OPCML: variants seen among roughly 807,000 people sequenced by gnomAD.
OPCML encodes opioid binding protein/cell adhesion molecule like.
Under a neutral mutation model 37.8 loss-of-function variants are expected in OPCML, and 13 were observed. The ratio of observed to expected loss-of-function variants is 0.34; its 90% CI spans 0.22 to 0.55. The LOEUF (loss-of-function observed/expected upper bound fraction) is 0.55. OPCML is among the 20% of genes least tolerant of loss of function. The probability of loss-of-function intolerance (pLI) is 0.91; values close to 1 mark genes in which losing one functional copy is unlikely to be tolerated. For missense variants in OPCML, 341 were observed against 435.6 expected, an observed-to-expected ratio of 0.78 and a Z score of 1.93; for synonymous variants, 176 against 168.8, an observed-to-expected ratio of 1.04 and a Z score of -0.33.
chr11:133,085,188 T>C (rs1338375493), intron 1 of OPCML, among the ~76,000 whole-genome samples: 1 of 152,228 alleles, frequency 6.6e-6, no homozygotes, highest in African/African-American at 2.4e-5. Context: ...ACCCAGTGCA[T>C]TTCATGAGTA....
At chr11:133,065,809 C>T (rs922834902) in intron 1 of OPCML, 4 of 152,432 alleles carry the variant, frequency 2.6e-5, no homozygotes, top group Admixed American at 6.5e-5. Context: ...CGCAAGCACC[C>T]GAGGCTCCTG....
In OPCML at chr11:132,633,249, C is replaced by T. The variant is rs148144645; in HGVS notation, c.379+23838G>A. ...ACAGAGTCTCGCTCTGTCGCCCAAG[C>T]TGGAGTTCAGTGGTGTGATCTCGGC... is the stretch of plus-strand genomic sequence containing the variant. On this transcript the variant is annotated intron_variant, in intron 3 of 7. Transcript: ENST00000524381. Among the ~76,000 whole-genome samples, 1,140 of 152,228 alleles carry T rather than the reference C, an allele frequency of 7.5e-3. 7 individuals carry two copies. The highest frequency in any genetic ancestry group is 0.026 in the African/African-American group (1,084 of 41,544).
At chr11:132,479,814 C>G (rs911240273) in intron 4 of OPCML, among the ~76,000 whole-genome samples, 4 of 152,174 alleles carry the variant, frequency 2.6e-5, no homozygotes, top group African/African-American at 9.6e-5. Flanking sequence ...AGCTGAGGGT[C>G]CTGTTAGAAG....
intron 3 of OPCML, among the ~76,000 whole-genome samples, chr11:132,536,154 C>T (rs1340857358): frequency 6.6e-6 from 1 of 152,184 alleles, no homozygotes; most frequent in Non-Finnish European, 1.5e-5. Context: ...AGCATCCTGT[C>T]CCTCCAGGGC....
chr11:133,419,315 A>G, intron 1 of OPCML: 2 of 985,422 alleles, frequency 2.0e-6, no homozygotes, highest in Non-Finnish European at 2.4e-6. Context: ...TAAACTGGAA[A>G]ATAGGCATGA....
At chr11:132,929,431 GC>G (rs1945116030) in intron 2 of OPCML, among the ~76,000 whole-genome samples, 1 of 152,044 alleles carries the variant, frequency 6.6e-6, no homozygotes, top group Non-Finnish European at 1.5e-5. Context: ...AAAAAGAAAA[GC>G]CCATGACCAG....
At chr11:133,087,294 A>G (rs1948831557) in intron 1 of OPCML, among the ~76,000 whole-genome samples, 1 of 152,158 alleles carries the variant, frequency 6.6e-6, no homozygotes, top group Non-Finnish European at 1.5e-5. Context: ...GTATAATTTT[A>G]AGTATTATTT....
chr11:132,937,821 C>T (rs1321876543), intron 2 of OPCML, among the ~76,000 whole-genome samples: 2 of 151,960 alleles, frequency 1.3e-5, no homozygotes, highest in African/African-American at 2.4e-5. Flanking sequence ...TCTGCAGAGA[C>T]AGGTATGCTT....
intron 1 of OPCML, among the ~76,000 whole-genome samples, chr11:133,492,324 T>C (rs946708115): frequency 1.3e-5 from 2 of 152,222 alleles, no homozygotes; most frequent in African/African-American, 2.4e-5. Flanking sequence ...TGGCCTCATA[T>C]GGATGCTTTT....
At chr11:133,359,213 G>A (rs1392228171) in intron 1 of OPCML, among the ~76,000 whole-genome samples, 1 of 152,076 alleles carries the variant, frequency 6.6e-6, no homozygotes, top group Non-Finnish European at 1.5e-5. Context: ...TGAGATCCAG[G>A]CTTTTGGGTT....
chr11:132,519,823 G>T (rs1429682742), intron 4 of OPCML, among the ~76,000 whole-genome samples: 1 of 152,144 alleles, frequency 6.6e-6, no homozygotes, highest in African/African-American at 2.4e-5. Flanking sequence ...CTTCAGATTA[G>T]AAACAAGGCT....
chr11:133,313,067 G>A (rs1196962643), intron 1 of OPCML, among the ~76,000 whole-genome samples: 3 of 152,232 alleles, frequency 2.0e-5, no homozygotes, highest in East Asian at 3.9e-4. Flanking sequence ...CTGCACTACC[G>A]TTTATCTTTA....
At chr11:133,483,087 G>A (rs576516101) in intron 1 of OPCML, among the ~76,000 whole-genome samples, 1 of 151,848 alleles carries the variant, frequency 6.6e-6, no homozygotes, top group African/African-American at 2.4e-5. Context: ...AAAAATGTGG[G>A]CAAAATATTT....
intron 1 of OPCML, among the ~76,000 whole-genome samples, chr11:133,069,875 C>T (rs10791275): frequency 0.15 from 22,779 of 152,012 alleles, 2,077 homozygotes; most frequent in Middle Eastern, 0.22. Context: ...GACACATGAA[C>T]GATTCTGGCA....
chr11:132,917,387 A>G (rs1022912185), intron 2 of OPCML, among the ~76,000 whole-genome samples: 1 of 151,554 alleles, frequency 6.6e-6, no homozygotes, highest in African/African-American at 2.4e-5. Flanking sequence ...GGCATCAGGA[A>G]TATATGCTCT....
At chr11:133,235,945 A>G (rs1181311493) in intron 1 of OPCML, among the ~76,000 whole-genome samples, 1 of 152,196 alleles carries the variant, frequency 6.6e-6, no homozygotes, top group African/African-American at 2.4e-5. Context: ...TGTTATCAGC[A>G]GGGGATAGTT....
rs201499460 is a variant in OPCML at position 133,411,748 on chromosome 11, C to G, written c.61+120516G>C. On this transcript the variant is annotated intron_variant, in intron 1 of 7. Coordinates refer to ENST00000524381, the MANE Select transcript of OPCML (RefSeq NM_001012393.5). ...AGCCAGTGAAGCCCAGGGTGTAGCT[C>G]GAAACCTCCGAGTCCCAGGTTTTTC... 2.0e-5 allele frequency among the ~76,000 whole-genome samples: 3 copies of G among 152,244 alleles called. No individual in the cohort carries two copies. The East Asian group carries it at 5.8e-4, about 29-fold the overall frequency.
intron 1 of OPCML, among the ~76,000 whole-genome samples, chr11:133,442,011 T>C (rs181704013): frequency 9.2e-5 from 14 of 152,318 alleles, no homozygotes; most frequent in African/African-American, 3.4e-4. Context: ...GTTTATTGAG[T>C]GCTTGCTACT....
At chr11:132,709,439 T>G (rs1944169479) in intron 2 of OPCML, among the ~76,000 whole-genome samples, 1 of 152,218 alleles carries the variant, frequency 6.6e-6, no homozygotes, top group African/African-American at 2.4e-5. Flanking sequence ...CTTCATTATT[T>G]AGATTTCCTT....
Sources: gnomAD v4.1 joint callset for allele counts (sites outside exome capture counted in the v4.1 genomes callset) on GRCh38, gnomAD v4.1.1 for gene constraint, MANE v1.5 for transcripts, NCBI Gene and HGNC (gene_info 2026-07-23, HGNC 2026-07-21) for gene names.